ZNF536: variants seen among roughly 807,000 people sequenced by gnomAD.
The protein encoded by ZNF536 is zinc finger protein 536.
ZNF536 carries 13 observed loss-of-function variants against 84.5 expected under a neutral mutation model. The observed-to-expected ratio is 0.15, with a 90% CI of 0.10 to 0.24. ZNF536 has a LOEUF of 0.24. ZNF536 is among the 10% of genes least tolerant of loss of function. The probability of loss-of-function intolerance (pLI) is 1.00; values close to 1 mark genes in which losing one functional copy is unlikely to be tolerated. For missense variants in ZNF536, 1,536 were observed against 1,747.5 expected, an observed-to-expected ratio of 0.88 and a Z score of 2.16; for synonymous variants, 811 against 742.5, an observed-to-expected ratio of 1.09 and a Z score of -1.50.
chr19:30,614,219 T>C (rs577504091), intron 1 of ZNF536, among the ~76,000 whole-genome samples: 5 of 152,332 alleles, frequency 3.3e-5, no homozygotes, highest in Non-Finnish European at 5.9e-5. Context: ...CATATTTTTG[T>C]TATTAGGTTG....
At chr19:30,608,537 C>G (rs2147010650) in intron 1 of ZNF536, among the ~76,000 whole-genome samples, 1 of 152,274 alleles carries the variant, frequency 6.6e-6, no homozygotes, top group South Asian at 2.1e-4. Flanking sequence ...GGTGCCAGCT[C>G]TTTACCCAGC....
intron 1 of ZNF536, among the ~76,000 whole-genome samples, chr19:30,702,963 C>T (rs73927161): frequency 6.8e-4 from 104 of 152,264 alleles, no homozygotes; most frequent in African/African-American, 2.3e-3. Context: ...GGAAGACAGC[C>T]GTGATTGTTT....
At chr19:30,374,129 T>C (rs2048716782) in intron 1 of ZNF536, among the ~76,000 whole-genome samples, 1 of 152,232 alleles carries the variant, frequency 6.6e-6, no homozygotes, top group Non-Finnish European at 1.5e-5. Context: ...ATAATATTTC[T>C]GCTTAAATAT....
Position 30,444,307 on chromosome 19 carries a change from C to T in ZNF536, c.745C>T (p.Pro249Ser), listed in dbSNP as rs1385557088. The T allele has an allele frequency of 6.3e-7, 1 of 1,582,774 alleles. No individual in the cohort carries two copies. The highest frequency in any genetic ancestry group is 8.5e-7 in the Non-Finnish European group (1 of 1,171,688). The change falls in exon 2 of 5, where the codon CCC becomes TCC. Residue 249 changes from proline to serine, a missense_variant. By Grantham distance (74) the Pro-to-Ser change is moderately conservative (BLOSUM62 -1). Around this residue, in one of 8 missense-constraint regions of ZNF536, gnomAD observed 138 missense variants for 136.8 expected, o/e 1.01. Transcript: ENST00000355537. ...GGCCCTGCAGGCTAACCACAGCGTT[C>T]CCGACGTGGCCCACCCGGTGCCCTC... ...TLALQANHSV[P>S]DVAHPVPSPK...
chr19:30,393,593 G>T (rs2049689679), intron 1 of ZNF536, among the ~76,000 whole-genome samples: 1 of 152,136 alleles, frequency 6.6e-6, no homozygotes. Context: ...CTAGGCTAGG[G>T]GCAGCGTCAC....
chr19:30,297,202 G>A (rs2046025270), intron 2 of ZNF536, among the ~76,000 whole-genome samples: 1 of 152,112 alleles, frequency 6.6e-6, no homozygotes, highest in African/African-American at 2.4e-5. Flanking sequence ...ATGCATTTAA[G>A]GAAAGGCTGG....
At chr19:30,609,137 T>C (rs546446888) in intron 1 of ZNF536, among the ~76,000 whole-genome samples, 58 of 152,340 alleles carry the variant, frequency 3.8e-4, no homozygotes, top group African/African-American at 1.3e-3. Flanking sequence ...TCCATGTACA[T>C]AGTGCAATCC....
intron 1 of ZNF536, among the ~76,000 whole-genome samples, chr19:30,599,048 T>G (rs1638916509): frequency 9.7e-6 from 1 of 103,414 alleles, no homozygotes; most frequent in Admixed American, 9.5e-5. Flanking sequence ...CCTTCCCTCT[T>G]TCCCCATCTC....
chr19:30,522,269 A>ATATATATATATATATATG (rs2044382337), intron 2 of ZNF536, among the ~76,000 whole-genome samples: 1 of 9,564 alleles, frequency 1.0e-4, no homozygotes, highest in African/African-American at 1.9e-4. Context: ...ATACATATAT[A>ATATATATATATATATATG]TATACATATA....
At chr19:30,558,513 G>A (rs2046047542), downstream of ZNF536, among the ~76,000 whole-genome samples, 1 of 152,178 alleles carries the variant, frequency 6.6e-6, no homozygotes, top group South Asian at 2.1e-4. Context: ...TTTTCATCCT[G>A]CGAAGGGGTA....
At chr19:30,667,988 A>G (rs2050398908) in intron 1 of ZNF536, among the ~76,000 whole-genome samples, 1 of 152,120 alleles carries the variant, frequency 6.6e-6, no homozygotes, top group Non-Finnish European at 1.5e-5. Flanking sequence ...GCTAGATTTG[A>G]AGCCAGGTCC....
chr19:30,378,093 A>G (rs1338388385), intron 1 of ZNF536, among the ~76,000 whole-genome samples: 1 of 152,184 alleles, frequency 6.6e-6, no homozygotes, highest in African/African-American at 2.4e-5. Context: ...CCTAATGCCA[A>G]AATGGACTTG....
At chr19:30,281,853 C>A (rs1280363121) in intron 1 of ZNF536, among the ~76,000 whole-genome samples, 2 of 152,188 alleles carry the variant, frequency 1.3e-5, no homozygotes, top group Non-Finnish European at 2.9e-5. Context: ...CTGCACCAAA[C>A]TGGGCTCATG....
At chr19:30,288,198 G>A (rs544493734) in intron 2 of ZNF536, among the ~76,000 whole-genome samples, 1 of 152,352 alleles carries the variant, frequency 6.6e-6, no homozygotes, top group East Asian at 1.9e-4. Context: ...GTAGGATGTG[G>A]ATGAGGGATT....
intron 2 of ZNF536, among the ~76,000 whole-genome samples, chr19:30,326,265 C>T (rs530428566): frequency 1.3e-5 from 2 of 152,282 alleles, no homozygotes; most frequent in South Asian, 2.1e-4. Context: ...GTCGCTCTGC[C>T]AATGCTGTTG....
chr19:30,511,376 T>TA (rs1404713529), intron 2 of ZNF536, among the ~76,000 whole-genome samples: 2 of 152,164 alleles, frequency 1.3e-5, no homozygotes, highest in African/African-American at 2.4e-5. Flanking sequence ...ACACAAACCA[T>TA]AAAAAAGCCT....
chr19:30,325,946 C>G (rs114998323), intron 2 of ZNF536, among the ~76,000 whole-genome samples: 185 of 152,320 alleles, frequency 1.2e-3, no homozygotes, highest in African/African-American at 4.3e-3. Flanking sequence ...CCCTCCCACA[C>G]CCGCAGATGT....
chr19:30,279,947 G>A (rs1016234902), intron 1 of ZNF536, among the ~76,000 whole-genome samples: 4 of 152,116 alleles, frequency 2.6e-5, no homozygotes, highest in African/African-American at 9.7e-5. Context: ...AGATGCCTCC[G>A]CAGACAGCCC....
At chr19:30,293,685 GA>G (rs2045912589) in intron 2 of ZNF536, among the ~76,000 whole-genome samples, 2 of 152,192 alleles carry the variant, frequency 1.3e-5, no homozygotes, top group Admixed American at 6.5e-5. Context: ...TTGCACAAAG[GA>G]AAGTACGATA....
Sources: allele counts gnomAD v4.1 joint callset (sites outside exome capture counted in the v4.1 genomes callset), GRCh38; gene constraint gnomAD v4.1.1; regional missense constraint gnomAD v4.1.1; transcripts MANE v1.5; gene names NCBI Gene and HGNC (gene_info 2026-07-23, HGNC 2026-07-21).